Variants in DAB1 observed in about 807,000 individuals in gnomAD.
DAB1 encodes DAB adaptor protein 1.
Under a neutral mutation model 64.6 loss-of-function variants are expected in DAB1, and 15 were observed. The ratio of observed to expected loss-of-function variants is 0.23; its 90% CI spans 0.16 to 0.36. The LOEUF (loss-of-function observed/expected upper bound fraction) is 0.36, where lower values mean the gene tolerates loss of function less well. Among genes scored for constraint, DAB1 ranks in the 10% least tolerant of loss-of-function variants. DAB1 has a pLI of 1.00. For synonymous variants in DAB1, 235 were observed against 251.9 expected, an observed-to-expected ratio of 0.93 and a Z score of 0.64; for missense variants, 596 against 706.7, an observed-to-expected ratio of 0.84 and a Z score of 1.78.
chr1:57,041,912 A>G (rs1165176333), intron 9 of DAB1, among the ~76,000 whole-genome samples: 1 of 152,198 alleles, frequency 6.6e-6, no homozygotes, highest in Non-Finnish European at 1.5e-5. Context: ...TTTCTCAAAA[A>G]CATGATAATA....
chr1:57,313,500 AGGGG>A (rs1213772634), intron 1 of DAB1, among the ~76,000 whole-genome samples: 4 of 152,206 alleles, frequency 2.6e-5, no homozygotes, highest in Middle Eastern at 3.2e-3. Context: ...AAAATACAGT[AGGGG>A]CCTGAGGCAC....
chr1:58,442,605 TG>T (rs1320641753), intron 3 of DAB1, among the ~76,000 whole-genome samples: 1 of 152,226 alleles, frequency 6.6e-6, no homozygotes, highest in African/African-American at 2.4e-5. Context: ...AAGTGTAATT[TG>T]GAACATCAAA....
intron 4 of DAB1, among the ~76,000 whole-genome samples, chr1:58,313,521 T>C (rs188307814): frequency 3.3e-4 from 50 of 152,246 alleles, no homozygotes; most frequent in African/African-American, 1.2e-3. Context: ...GCTGAATTCA[T>C]CCAGAAGCCA....
intron 2 of DAB1, among the ~76,000 whole-genome samples, chr1:58,520,707 T>C (rs1646248142): frequency 6.6e-6 from 1 of 152,086 alleles, no homozygotes; most frequent in South Asian, 2.1e-4. Flanking sequence ...GCAAGAAGTA[T>C]TACTAGAGAC....
intron 7 of DAB1, among the ~76,000 whole-genome samples, chr1:57,592,552 C>G (rs1216119120): frequency 6.6e-6 from 1 of 151,214 alleles, no homozygotes; most frequent in Non-Finnish European, 1.5e-5. Context: ...AGGTCATAGA[C>G]AATAGAAAAC....
At chr1:58,519,653 CGAT>C (rs1646229986) in intron 2 of DAB1, among the ~76,000 whole-genome samples, 1 of 152,064 alleles carries the variant, frequency 6.6e-6, no homozygotes, top group African/African-American at 2.4e-5. Flanking sequence ...AAATAAGCAA[CGAT>C]GCCAACAAAC....
At chr1:58,143,661 G>A (rs936990891) in intron 5 of DAB1, among the ~76,000 whole-genome samples, 1 of 152,114 alleles carries the variant, frequency 6.6e-6, no homozygotes, top group Non-Finnish European at 1.5e-5. Flanking sequence ...TCAAAATCCT[G>A]CTCCCTGGAA....
intron 7 of DAB1, among the ~76,000 whole-genome samples, chr1:57,437,744 AT>A (rs1685749253): frequency 6.6e-6 from 1 of 152,222 alleles, no homozygotes. Flanking sequence ...GCACAAGGGA[AT>A]TTGTGAAGGA....
chr1:57,163,069 T>C (rs1282258177), intron 2 of DAB1, among the ~76,000 whole-genome samples: 1 of 152,178 alleles, frequency 6.6e-6, no homozygotes, highest in Non-Finnish European at 1.5e-5. Context: ...CAACATGTAC[T>C]GAATGCCCAC....
chr1:58,292,270 G>A (rs1661861275), intron 4 of DAB1, among the ~76,000 whole-genome samples: 1 of 152,058 alleles, frequency 6.6e-6, no homozygotes, highest in African/African-American at 2.4e-5. Flanking sequence ...CCTCATCATT[G>A]ACCATTGTAC....
At chr1:57,884,427 T>A (rs1490537439), upstream of DAB1, among the ~76,000 whole-genome samples, 2 of 152,188 alleles carry the variant, frequency 1.3e-5, no homozygotes, top group Non-Finnish European at 2.9e-5. Context: ...AAAGCAAACA[T>A]GCTCATTCAT....
chr1:57,925,861 C>T (rs77777198), intron 5 of DAB1, among the ~76,000 whole-genome samples: 2,966 of 152,278 alleles, frequency 0.019, 66 homozygotes, highest in East Asian at 0.081. Context: ...AACATATAAA[C>T]GCTCACAGAC....
intron 9 of DAB1, among the ~76,000 whole-genome samples, chr1:57,054,882 C>G (rs558553004): frequency 2.6e-4 from 40 of 152,316 alleles, no homozygotes; most frequent in Non-Finnish European, 3.1e-4. Flanking sequence ...TATTTCCCAG[C>G]TCCCTGAGAT....
chr1:57,506,549 A>C (rs1313270264), intron 7 of DAB1, among the ~76,000 whole-genome samples: 2 of 152,192 alleles, frequency 1.3e-5, no homozygotes, highest in African/African-American at 2.4e-5. Flanking sequence ...AAAGAATGAA[A>C]ACATCTGAAC....
In DAB1 at chr1:58,150,998, C is replaced by T. The variant is rs142057548; in HGVS notation, n.310-410G>A. ...GAGAATGGTGGTATCCAGCTTCATC[C>T]ATGTCCCTACAAAGGACATGAACCC... On this transcript the variant is annotated intron_variant and non_coding_transcript_variant, in intron 4 of 20. Coordinates refer to the DAB1 transcript ENST00000485760. 1.5e-3 allele frequency among the ~76,000 whole-genome samples: 221 copies of T among 152,266 alleles called. 1 individual carries two copies. The highest frequency in any genetic ancestry group is 5.1e-3 in the African/African-American group (213 of 41,552).
intron 4 of DAB1, among the ~76,000 whole-genome samples, chr1:58,180,298 T>TTTTTTTTTTTTTTTTTTTTTTTTTA (rs1271620707): frequency 7.5e-6 from 1 of 132,658 alleles, no homozygotes; most frequent in Non-Finnish European, 1.6e-5. Context: ...TTTTTTTTTT[T>TTTTTTTTTTTTTTTTTTTTTTTTTA]TTTTTTTTTT....
chr1:57,268,303 C>A (rs1570110414), intron 2 of DAB1, among the ~76,000 whole-genome samples: 1 of 152,198 alleles, frequency 6.6e-6, no homozygotes, highest in Admixed American at 6.5e-5. Flanking sequence ...ACTGATGATG[C>A]TGCTGCAAAA....
chr1:57,281,957 C>T (rs942768010), intron 2 of DAB1, among the ~76,000 whole-genome samples: 2 of 151,648 alleles, frequency 1.3e-5, no homozygotes, highest in East Asian at 2.0e-4. Flanking sequence ...TGAGGCAGGC[C>T]GATTAGCTGA....
At chr1:58,262,765 C>T (rs1273646411) in intron 4 of DAB1, among the ~76,000 whole-genome samples, 2 of 152,138 alleles carry the variant, frequency 1.3e-5, no homozygotes, top group Non-Finnish European at 2.9e-5. Context: ...TAGGCAGGAC[C>T]TCTGATTTGC....
Sources: gnomAD v4.1 joint callset for allele counts (sites outside exome capture counted in the v4.1 genomes callset) on GRCh38, gnomAD v4.1.1 for gene constraint, MANE v1.5 for transcripts, NCBI Gene and HGNC (gene_info 2026-07-23, HGNC 2026-07-21) for gene names.